CRMP1: variants seen among roughly 807,000 people sequenced by gnomAD.
The protein encoded by CRMP1 is dihydropyrimidinase-related protein 1.
CRMP1 carries 19 observed loss-of-function variants against 68.3 expected under a neutral mutation model. The observed-to-expected ratio is 0.28, with a 90% CI of 0.19 to 0.41. CRMP1 has a LOEUF of 0.41. Among genes scored for constraint, CRMP1 ranks in the 10% least tolerant of loss-of-function variants. CRMP1 has a pLI of 1.00. For synonymous variants in CRMP1, 439 were observed against 399.6 expected, an observed-to-expected ratio of 1.10 and a Z score of -1.18; for missense variants, 791 against 967.4, an observed-to-expected ratio of 0.82 and a Z score of 2.42.
In CRMP1 at chr4:5,860,073, G is replaced by A. The variant is rs1263262393; in HGVS notation, c.655+953C>T. On this transcript the variant is annotated intron_variant, in intron 3 of 13. Transcript: ENST00000324989. The surrounding 1 kb of genome is among the most constrained non-coding windows in gnomAD (Gnocchi z 4.2). ...GAGGAGGAGTCCAGTTTCCCAGACC[G>A]AGCACTGCTGGGGAGTGGTCTCACT... is the stretch of plus-strand genomic sequence containing the variant. Among the ~76,000 whole-genome samples, 1 of 152,110 alleles carries A rather than the reference G, an allele frequency of 6.6e-6. No homozygotes were observed. Among genetic ancestry groups the A allele is most frequent in the Non-Finnish European group, 1.5e-5 (1 of 68,028 alleles).
chr4:5,852,935 C>T (rs1418444412), intron 4 of CRMP1, among the ~76,000 whole-genome samples: 6 of 152,166 alleles, frequency 3.9e-5, no homozygotes, highest in African/African-American at 2.4e-5. Context: ...CTCACACAGC[C>T]CCAAGAGCCA....
chr4:5,832,985 G>A (rs1560488283), intron 11 of CRMP1, among the ~76,000 whole-genome samples: 1 of 152,100 alleles, frequency 6.6e-6, no homozygotes, highest in South Asian at 2.1e-4. Context: ...ACAGCAGAGA[G>A]GGCCACGCAA....
chr4:5,822,844 T>C (rs541362305), intron 13 of CRMP1, among the ~76,000 whole-genome samples: 39 of 152,314 alleles, frequency 2.6e-4, no homozygotes, highest in Admixed American at 8.5e-4. Flanking sequence ...CGTAAGTAAG[T>C]TAGCTCACTG....
chr4:5,875,018 G>C (rs942082812), intron 1 of CRMP1, among the ~76,000 whole-genome samples: 1 of 152,178 alleles, frequency 6.6e-6, no homozygotes, highest in Non-Finnish European at 1.5e-5. Context: ...CAAGAGAAAG[G>C]GATTCTTCTC....
chr4:5,832,782 T>C (rs1720465346), intron 11 of CRMP1, among the ~76,000 whole-genome samples: 1 of 152,166 alleles, frequency 6.6e-6, no homozygotes, highest in South Asian at 2.1e-4. Flanking sequence ...TGGGTAACCT[T>C]GGGTATATTA....
chr4:5,862,027 T>C (rs1017920502), intron 2 of CRMP1, among the ~76,000 whole-genome samples: 2 of 152,190 alleles, frequency 1.3e-5, no homozygotes, highest in African/African-American at 4.8e-5. Flanking sequence ...CCTGGGCTCC[T>C]GTGAGAAGCT....
In CRMP1 at chr4:5,889,696, C is replaced by T; in HGVS notation, c.381+2893G>A. 1 of 1,536,084 alleles carries T rather than the reference C, an allele frequency of 6.5e-7. No individual in the cohort carries two copies. ...CCACAGGTCCTATGAAACTACTCATCTTTTCTGCTTTCAAGTTGCCATCCA... is the reference window on the plus strand; with the variant it reads ...CCACAGGTCCTATGAAACTACTCATTTTTTCTGCTTTCAAGTTGCCATCCA... On this transcript the variant is annotated intron_variant, in intron 1 of 13. Coordinates refer to ENST00000324989, the MANE Select transcript of CRMP1 (RefSeq NM_001014809.3). This position sits in a 1 kb window ranked among gnomAD's most constrained non-coding sequence, Gnocchi z 4.5.
At chr4:5,849,347 G>A (rs146986687) in intron 6 of CRMP1, 45 bp downstream of exon 6, 2 of 1,479,506 alleles carry the variant, frequency 1.4e-6, no homozygotes, top group African/African-American at 2.8e-5. Context: ...TTGCAACAAG[G>A]AGAATCAGAC....
Position 5,883,916 on chromosome 4 carries a change from CCT to C in CRMP1, c.381+8671_381+8672del, listed in dbSNP as rs1560522624. On this transcript the variant is annotated intron_variant, in intron 1 of 13. Transcript: ENST00000324989. This position sits in a 1 kb window ranked among gnomAD's most constrained non-coding sequence, Gnocchi z 4.5. Reference sequence around the variant, plus strand: ...TTACGTCACTTTCACTTTTATGTCCCCTCTGAGACATTTTTAAGAATTTGATT... The same window carrying C: ...TTACGTCACTTTCACTTTTATGTCCCCTGAGACATTTTTAAGAATTTGATT... Among the ~76,000 whole-genome samples, 1 of 152,146 alleles carries C rather than the reference CCT, an allele frequency of 6.6e-6. No individual in the cohort carries two copies. Among genetic ancestry groups the C allele is most frequent in the Non-Finnish European group, 1.5e-5 (1 of 68,034 alleles).
rs1443663974 is a variant in CRMP1 at position 5,870,448 on chromosome 4, G to T, written c.382-3692C>A. On this transcript the variant is annotated intron_variant, in intron 1 of 13. Coordinates refer to ENST00000324989, the MANE Select transcript of CRMP1 (RefSeq NM_001014809.3). The surrounding 1 kb of genome is among the most constrained non-coding windows in gnomAD (Gnocchi z 6.0). ...CATGACACAGGCGTTGGTGGGGACG[G>T]CACTGCCTGGAGTTTGCACAGCACT... 6.6e-6 allele frequency among the ~76,000 whole-genome samples: 1 copy of T among 152,244 alleles called. No homozygotes were observed. Among genetic ancestry groups the T allele is most frequent in the East Asian group, 1.9e-4 (1 of 5,190 alleles).
chr4:5,864,698 G>A (rs1008950348), intron 2 of CRMP1, among the ~76,000 whole-genome samples: 1 of 152,168 alleles, frequency 6.6e-6, no homozygotes, highest in African/African-American at 2.4e-5. Flanking sequence ...GTCAAGGAAG[G>A]CTTCCTGGAG....
chr4:5,890,339 C>T lies in CRMP1; in HGVS notation c.381+2250G>A, dbSNP rs1446867882. The T allele has an allele frequency of 2.6e-5, 4 of 152,360 alleles. No individual in the cohort carries two copies. 9.4% of individuals were successfully genotyped at this position (152,360 alleles called of 1,614,324 possible). A position where few individuals can be genotyped will look rare whatever the true frequency, so the allele number is the denominator to read the frequency against. On this transcript the variant is annotated intron_variant, in intron 1 of 13. Transcript: ENST00000324989. The surrounding 1 kb of genome is among the most constrained non-coding windows in gnomAD (Gnocchi z 5.5). ...AGCAGATTTCGCCGGTACAAAGCGC[C>T]GCAGCCGCTCAGCCTCCGGCAGCGG...
At chr4:5,871,154 T>C (rs767032702) in intron 1 of CRMP1, among the ~76,000 whole-genome samples, 7 of 152,182 alleles carry the variant, frequency 4.6e-5, no homozygotes, top group Non-Finnish European at 8.8e-5. Flanking sequence ...TCCAAGCCCT[T>C]AGTGTCTCTC....
chr4:5,888,284 T>G lies in CRMP1; in HGVS notation c.381+4305A>C. The G allele has an allele frequency of 5.5e-6, 7 of 1,269,160 alleles. No homozygotes were observed. Among genetic ancestry groups the G allele is most frequent in the Non-Finnish European group, 6.0e-6 (6 of 1,000,894 alleles). 78.6% of individuals were successfully genotyped at this position (1,269,160 alleles called of 1,614,324 possible). A position where few individuals can be genotyped will look rare whatever the true frequency, so the allele number is the denominator to read the frequency against. On this transcript the variant is annotated intron_variant, in intron 1 of 13. Coordinates refer to ENST00000324989, the MANE Select transcript of CRMP1 (RefSeq NM_001014809.3). This position sits in a 1 kb window ranked among gnomAD's most constrained non-coding sequence, Gnocchi z 6.4. The stretch of plus-strand genomic sequence containing the variant: ...TACGACATGGCCCCCTCTGGCGCCC[T>G]CGGCCCGGCCGCTGACCTGCGGGGC...
chr4:5,879,404 A>G lies in CRMP1; in HGVS notation c.382-12648T>C, dbSNP rs977339413. On this transcript the variant is annotated intron_variant, in intron 1 of 13. Coordinates refer to ENST00000324989, the MANE Select transcript of CRMP1 (RefSeq NM_001014809.3). The surrounding 1 kb of genome is among the most constrained non-coding windows in gnomAD (Gnocchi z 4.2). ...TGCATCTCTGGTCCAGCATTTGTTC[A>G]TGACACTCATTTTCCAGCTCATTGT... Among the ~76,000 whole-genome samples the G allele has an allele frequency of 6.6e-6, 1 of 152,202 alleles. No individual in the cohort carries two copies. The highest frequency in any genetic ancestry group is 2.4e-5 in the African/African-American group (1 of 41,464).
intron 11 of CRMP1, among the ~76,000 whole-genome samples, chr4:5,831,390 T>C (rs190185818): frequency 5.9e-5 from 9 of 152,340 alleles, no homozygotes. Context: ...AGGTGCATTC[T>C]TGGGGGTTCC....
At chr4:5,867,044 G>A (rs1714045616) in intron 1 of CRMP1, among the ~76,000 whole-genome samples, 1 of 152,076 alleles carries the variant, frequency 6.6e-6, no homozygotes, top group Non-Finnish European at 1.5e-5. Context: ...CTCTCTCACT[G>A]TTAACCCATT....
intron 13 of CRMP1, among the ~76,000 whole-genome samples, chr4:5,822,307 C>T (rs1718746556): frequency 6.6e-6 from 1 of 152,162 alleles, no homozygotes; most frequent in Non-Finnish European, 1.5e-5. Flanking sequence ...GTGGGGAAGC[C>T]AGGATTGAAG....
At chr4:5,867,600 G>A (rs571438575) in intron 1 of CRMP1, among the ~76,000 whole-genome samples, 5 of 152,236 alleles carry the variant, frequency 3.3e-5, no homozygotes, top group South Asian at 4.2e-4. Flanking sequence ...ATCAGCTACC[G>A]ACTGATGCTC....
Sources: allele counts gnomAD v4.1 joint callset (sites outside exome capture counted in the v4.1 genomes callset), GRCh38; gene constraint gnomAD v4.1.1; non-coding constraint Gnocchi (gnomAD v3.1); transcripts MANE v1.5; gene names NCBI Gene and HGNC (gene_info 2026-07-23, HGNC 2026-07-21).